SCAI: variants seen among roughly 807,000 people sequenced by gnomAD.
SCAI encodes the protein suppressor of cancer cell invasion, also known as protein SCAI.
A neutral mutation model predicts 92.2 loss-of-function variants in SCAI; 24 were observed. The ratio of observed to expected loss-of-function variants is 0.26; its 90% CI spans 0.19 to 0.37. The LOEUF is 0.37. SCAI is among the 10% of genes least tolerant of loss of function. The pLI is 1.00. For missense variants in SCAI, 450 were observed against 736.2 expected (o/e 0.61, Z 4.50); for synonymous variants, 261 against 258.6 (o/e 1.01, Z -0.09).
intron 2 of SCAI, among the ~76,000 whole-genome samples, chr9:125,106,848 G>C (rs1242743923): frequency 7.1e-6 from 1 of 140,716 alleles, no homozygotes; most frequent in Non-Finnish European, 1.5e-5. Flanking sequence ...AGCTAGACAT[G>C]TGCCACCATG....
intron 2 of SCAI, among the ~76,000 whole-genome samples, chr9:125,109,683 AT>A (rs1834893549): frequency 6.6e-6 from 1 of 151,442 alleles, no homozygotes; most frequent in Non-Finnish European, 1.5e-5. Context: ...CTATCTATCT[AT>A]CTATCTATGT....
intron 9 of SCAI, among the ~76,000 whole-genome samples, chr9:125,008,760 C>G (rs749612989): frequency 8.6e-5 from 13 of 151,972 alleles, no homozygotes; most frequent in African/African-American, 1.5e-4. Flanking sequence ...AGAAGTGGAG[C>G]AGAGAAAGAA....
chr9:124,996,556 G>A (rs1048163249), intron 13 of SCAI, among the ~76,000 whole-genome samples: 1 of 152,058 alleles, frequency 6.6e-6, no homozygotes, highest in Non-Finnish European at 1.5e-5. Flanking sequence ...TCCCATCTCA[G>A]CCTCCCAAAG....
At chr9:125,019,012 C>A (rs1336786449) in intron 8 of SCAI, 61 bp from the exon 9 acceptor site, 1 of 1,561,576 alleles carries the variant, frequency 6.4e-7, no homozygotes, top group Non-Finnish European at 8.8e-7. Context: ...ATAGAGTAAG[C>A]TATTCCTTCT....
At chr9:125,010,658 C>G (rs1832616457) in intron 9 of SCAI, among the ~76,000 whole-genome samples, 1 of 152,206 alleles carries the variant, frequency 6.6e-6, no homozygotes, top group Non-Finnish European at 1.5e-5. Context: ...ATGTCCCTGT[C>G]TGACAGCTTT....
intron 17 of SCAI, among the ~76,000 whole-genome samples, chr9:124,960,947 T>C (rs1250435185): frequency 6.6e-6 from 1 of 151,796 alleles, no homozygotes; most frequent in Non-Finnish European, 1.5e-5. Context: ...CAAAACCCCA[T>C]CTCTACAAAA....
intron 9 of SCAI, among the ~76,000 whole-genome samples, chr9:125,009,128 T>A (rs1832575535): frequency 6.6e-6 from 1 of 151,356 alleles, no homozygotes; most frequent in African/African-American, 2.4e-5. Context: ...AAAAAAGAAA[T>A]AAGAAAATAC....
intron 2 of SCAI, among the ~76,000 whole-genome samples, chr9:125,056,937 T>G (rs1302273800): frequency 1.3e-5 from 2 of 152,140 alleles, no homozygotes; most frequent in Non-Finnish European, 2.9e-5. Context: ...AGACGTATAT[T>G]AAAACTATAT....
intron 9 of SCAI, 61 bp from the exon 10 acceptor site, chr9:125,003,631 C>T: frequency 9.8e-7 from 1 of 1,021,602 alleles, no homozygotes; most frequent in African/African-American, 1.6e-5. Flanking sequence ...ACTTTAAAGA[C>T]TTTTATCACG....
chr9:125,013,981 G>A (rs373526766), intron 9 of SCAI, among the ~76,000 whole-genome samples: 5 of 150,960 alleles, frequency 3.3e-5, no homozygotes, highest in African/African-American at 7.3e-5. Context: ...ATTCAACAAC[G>A]CTTCATGCTA....
At chr9:125,113,018 G>C in intron 2 of SCAI, among the ~76,000 whole-genome samples, 1 of 152,132 alleles carries the variant, frequency 6.6e-6, no homozygotes, top group Non-Finnish European at 1.5e-5. Flanking sequence ...TGAATACACA[G>C]ACAAATCTTA....
chr9:124,985,743 T>G (rs1305039602), intron 14 of SCAI, among the ~76,000 whole-genome samples: 1 of 151,900 alleles, frequency 6.6e-6, no homozygotes, highest in Non-Finnish European at 1.5e-5. Context: ...GGCACATGCC[T>G]GTAATCCTAG....
chr9:125,077,751 C>T (rs1468067305), intron 2 of SCAI, among the ~76,000 whole-genome samples: 2 of 152,070 alleles, frequency 1.3e-5, no homozygotes, highest in Non-Finnish European at 2.9e-5. Flanking sequence ...TGGAGTCTTG[C>T]TCTGTCGCCC....
chr9:125,010,749 C>T (rs147978594), intron 9 of SCAI, among the ~76,000 whole-genome samples: 24,910 of 152,152 alleles, frequency 0.16, 2,271 homozygotes, highest in East Asian at 0.24. Context: ...TCCCTGACCC[C>T]GACCCCTGAG....
chr9:125,031,000 G>A (rs1249176423), intron 3 of SCAI, among the ~76,000 whole-genome samples: 1 of 152,152 alleles, frequency 6.6e-6, no homozygotes, highest in Non-Finnish European at 1.5e-5. Context: ...TCATCTTCGA[G>A]GGCAAAACTT....
chr9:125,112,562 A>G (rs1834954119), intron 2 of SCAI, among the ~76,000 whole-genome samples: 1 of 152,254 alleles, frequency 6.6e-6, no homozygotes, highest in African/African-American at 2.4e-5. Context: ...CAGGCTTGTC[A>G]CATGACAAAC....
intron 2 of SCAI, among the ~76,000 whole-genome samples, chr9:125,063,754 CTTTT>C (rs367915695): frequency 5.0e-5 from 7 of 139,718 alleles, no homozygotes; most frequent in Non-Finnish European, 7.8e-5. Flanking sequence ...TCCCTTTTAT[CTTTT>C]TTTTTTTTTT....
At chr9:124,965,872 G>A (rs1831529183) in intron 17 of SCAI, among the ~76,000 whole-genome samples, 1 of 152,054 alleles carries the variant, frequency 6.6e-6, no homozygotes, top group South Asian at 2.1e-4. Context: ...CTACAGTACT[G>A]CACTAAACAC....
chr9:125,008,708 C>G (rs902066312), intron 9 of SCAI, among the ~76,000 whole-genome samples: 1 of 152,076 alleles, frequency 6.6e-6, no homozygotes, highest in East Asian at 1.9e-4. Flanking sequence ...AACAGACACA[C>G]GTGGCACTGT....
Sources: gnomAD v4.1 joint callset for allele counts (sites outside exome capture counted in the v4.1 genomes callset) on GRCh38, gnomAD v4.1.1 for gene constraint, MANE v1.5 for transcripts, NCBI Gene and HGNC (gene_info 2026-07-23, HGNC 2026-07-21) for gene names.